FUT9: variants seen among roughly 807,000 people sequenced by gnomAD.
FUT9 encodes fucosyltransferase 9, also known as 4-galactosyl-N-acetylglucosaminide 3-alpha-L-fucosyltransferase 9.
FUT9 carries 15 observed loss-of-function variants against 29.7 expected under a neutral mutation model. The observed-to-expected ratio is 0.51, with a 90% CI of 0.34 to 0.78. FUT9 has a LOEUF of 0.78. FUT9 is among the 30% of genes least tolerant of loss of function. FUT9 has a pLI of 0.01. For synonymous variants in FUT9, 169 were observed against 153.7 expected, an observed-to-expected ratio of 1.10 and a Z score of -0.74; for missense variants, 319 against 425.4, an observed-to-expected ratio of 0.75 and a Z score of 2.20.
intron 1 of FUT9, among the ~76,000 whole-genome samples, chr6:96,073,518 G>C (rs1361471102): frequency 6.6e-6 from 1 of 151,802 alleles, no homozygotes; most frequent in Non-Finnish European, 1.5e-5. Flanking sequence ...CGCAAGTAAA[G>C]GCCTAAAGGC....
At chr6:96,170,178 T>C (rs1054058099) in intron 2 of FUT9, among the ~76,000 whole-genome samples, 1 of 152,154 alleles carries the variant, frequency 6.6e-6, no homozygotes, top group Non-Finnish European at 1.5e-5. Flanking sequence ...TTTTCTTACC[T>C]ATAAGTTGGT....
intron 1 of FUT9, among the ~76,000 whole-genome samples, chr6:96,112,038 T>C (rs989554472): frequency 2.0e-5 from 3 of 152,200 alleles, no homozygotes; most frequent in African/African-American, 7.2e-5. Flanking sequence ...TTTTTTCTAA[T>C]TGGGACTTCT....
chr6:96,157,715 A>C (rs1772811943), intron 2 of FUT9, among the ~76,000 whole-genome samples: 1 of 152,160 alleles, frequency 6.6e-6, no homozygotes, highest in Admixed American at 6.5e-5. Context: ...ATAAAACAGG[A>C]ATAAAACCAT....
intron 1 of FUT9, among the ~76,000 whole-genome samples, chr6:96,059,103 A>G (rs1234778859): frequency 1.3e-5 from 2 of 152,192 alleles, no homozygotes; most frequent in African/African-American, 4.8e-5. Context: ...AATCATTGAT[A>G]TTTGAAGAAT....
intron 1 of FUT9, among the ~76,000 whole-genome samples, chr6:96,105,702 T>C (rs1240547693): frequency 6.6e-6 from 1 of 152,190 alleles, no homozygotes; most frequent in East Asian, 1.9e-4. Flanking sequence ...ATTTAAATAA[T>C]GATAAGTTTC....
chr6:96,191,890 G>T (rs902851998), intron 2 of FUT9, among the ~76,000 whole-genome samples: 11 of 152,126 alleles, frequency 7.2e-5, no homozygotes, highest in African/African-American at 2.4e-4. Flanking sequence ...ATGCAAGGCT[G>T]GTTCAACATA....
chr6:96,069,634 ATTTT>A (rs1562115262), intron 1 of FUT9, among the ~76,000 whole-genome samples: 1 of 32,920 alleles, frequency 3.0e-5, no homozygotes, highest in African/African-American at 9.4e-5. Flanking sequence ...TTTATTTTTT[ATTTT>A]ATTTTTTTGA....
intron 2 of FUT9, among the ~76,000 whole-genome samples, chr6:96,115,810 T>A (rs1771899991): frequency 6.6e-6 from 1 of 152,142 alleles, no homozygotes; most frequent in Non-Finnish European, 1.5e-5. Flanking sequence ...TTATGAGAAA[T>A]TATAGAGAAG....
rs117178087 is a variant in FUT9, at chr6:96,016,184, C to T, written c.-126C>T. 0.057 allele frequency: 8,693 copies of T among 153,666 alleles called. 358 individuals are homozygous for T. The highest frequency in any genetic ancestry group is 0.12 in the Admixed American group (1,801 of 15,310). 9.5% of individuals were successfully genotyped at this position (153,666 alleles called of 1,614,324 possible). On this transcript the variant is annotated 5_prime_UTR_variant, in exon 1 of 3. Coordinates refer to ENST00000302103, the MANE Select transcript of FUT9 (RefSeq NM_006581.4). ...CTGCGCCGCGCAGCCCTCGCGAGCG[C>T]CCCGGATGGCGCTTTACCCCTAGGA... is the stretch of plus-strand genomic sequence containing the variant.
At chr6:96,151,614 A>C (rs1041432216) in intron 2 of FUT9, among the ~76,000 whole-genome samples, 1 of 152,152 alleles carries the variant, frequency 6.6e-6, no homozygotes, top group Admixed American at 6.5e-5. Flanking sequence ...GTTGTTCCAA[A>C]GTTTTGCAGA....
intron 2 of FUT9, among the ~76,000 whole-genome samples, chr6:96,171,375 G>T (rs532872541): frequency 1.3e-5 from 2 of 151,982 alleles, no homozygotes; most frequent in South Asian, 4.1e-4. Flanking sequence ...TTGGCTTGTA[G>T]CCCAAGAAAA....
At chr6:96,073,445 T>C in intron 1 of FUT9, among the ~76,000 whole-genome samples, 1 of 136,942 alleles carries the variant, frequency 7.3e-6, no homozygotes, top group African/African-American at 2.8e-5. Context: ...TGAGACTCCG[T>C]CTCAAAAAAA....
chr6:96,153,805 A>T (rs1240568643), intron 2 of FUT9, among the ~76,000 whole-genome samples: 1 of 147,508 alleles, frequency 6.8e-6, no homozygotes, highest in Admixed American at 6.7e-5. Flanking sequence ...CATTTAAAAA[A>T]ATTAGAATGT....
chr6:96,021,940 AC>A (rs1770076477), intron 1 of FUT9, among the ~76,000 whole-genome samples: 1 of 152,024 alleles, frequency 6.6e-6, no homozygotes, highest in Non-Finnish European at 1.5e-5. Flanking sequence ...ATATTGGTTT[AC>A]CAAGAGAAAA....
At chr6:96,146,029 A>C (rs918937520) in intron 2 of FUT9, among the ~76,000 whole-genome samples, 3 of 152,104 alleles carry the variant, frequency 2.0e-5, no homozygotes, top group Non-Finnish European at 2.9e-5. Context: ...TTATTTGTAG[A>C]GATAGTCTCA....
intron 1 of FUT9, among the ~76,000 whole-genome samples, chr6:96,058,328 A>C (rs2127942275): frequency 6.6e-6 from 1 of 152,170 alleles, no homozygotes; most frequent in African/African-American, 2.4e-5. Context: ...AAATTTTTTT[A>C]AGCTTGAATT....
intron 2 of FUT9, among the ~76,000 whole-genome samples, chr6:96,116,175 T>C (rs182947784): frequency 8.5e-5 from 13 of 152,232 alleles, no homozygotes; most frequent in Admixed American, 6.5e-4. Flanking sequence ...CTAATAAGAA[T>C]ATGAGAAGAT....
chr6:96,101,101 A>AGGTTAAAT (rs1279892223), intron 1 of FUT9, among the ~76,000 whole-genome samples: 3 of 152,226 alleles, frequency 2.0e-5, no homozygotes, highest in Non-Finnish European at 4.4e-5. Flanking sequence ...AAGTGTTCTT[A>AGGTTAAAT]ATTCTGCAAA....
intron 2 of FUT9, among the ~76,000 whole-genome samples, chr6:96,124,203 G>C (rs1772088715): frequency 7.0e-6 from 1 of 143,638 alleles, no homozygotes; most frequent in African/African-American, 2.6e-5. Flanking sequence ...CCAGGCTGGA[G>C]TGCAGTGGCA....
Sources: gnomAD v4.1 joint callset for allele counts (sites outside exome capture counted in the v4.1 genomes callset) on GRCh38, gnomAD v4.1.1 for gene constraint, MANE v1.5 for transcripts, NCBI Gene and HGNC (gene_info 2026-07-23, HGNC 2026-07-21) for gene names.